The following GTF3C5 variants were observed in gnomAD, a reference collection of about 807,000 sequenced individuals.
GTF3C5 encodes general transcription factor 3C polypeptide 5.
A neutral mutation model predicts 61.0 loss-of-function variants in GTF3C5; 47 were observed. That is an observed-to-expected ratio of 0.77 (90% CI 0.61 to 0.98). The LOEUF (loss-of-function observed/expected upper bound fraction) is 0.98. Ranked by LOEUF, GTF3C5 falls within the 50% of genes least tolerant of loss-of-function variation. The pLI, the probability that GTF3C5 is intolerant of heterozygous loss-of-function variation, is 0.00. For missense variants in GTF3C5, 659 were observed against 703.3 expected (o/e 0.94, Z 0.71); for synonymous variants, 295 against 275.4 (o/e 1.07, Z -0.71).
intron 4 of GTF3C5, 55 bp downstream of exon 4, chr9:133,051,033 C>G: frequency 1.5e-6 from 2 of 1,354,472 alleles, no homozygotes; most frequent in East Asian, 2.5e-5. Context: ...GTTGGCTTCC[C>G]GTGTTTACCC....
At chr9:133,049,769 A>C (rs991732824) in intron 3 of GTF3C5, among the ~76,000 whole-genome samples, 1 of 152,180 alleles carries the variant, frequency 6.6e-6, no homozygotes, top group African/African-American at 2.4e-5. Flanking sequence ...ATGTGTGTGT[A>C]TGTGTTTTAA....
At chr9:133,038,357 A>G (rs569260895) in intron 1 of GTF3C5, among the ~76,000 whole-genome samples, 1 of 151,624 alleles carries the variant, frequency 6.6e-6, no homozygotes, top group Non-Finnish European at 1.5e-5. Context: ...TGGGTGCCCA[A>G]TGGGCAGGGC....
At chr9:133,049,742 T>C (rs970942218) in intron 3 of GTF3C5, among the ~76,000 whole-genome samples, 2 of 152,222 alleles carry the variant, frequency 1.3e-5, no homozygotes, top group African/African-American at 2.4e-5. Flanking sequence ...GAGGTAGTTC[T>C]AGAATCTCTG....
rs1459674464 is a variant in GTF3C5, at chr9:133,042,310, A to T, written c.373+4A>T. 6.4e-7 allele frequency: 1 copy of T among 1,555,628 alleles called. No individual in the cohort carries two copies. Among genetic ancestry groups the T allele is most frequent in the African/African-American group, 1.4e-5 (1 of 73,760 alleles). ...TCCACCATTTACAAATTTCAGGGTA[A>T]CTGAAATCTGCTCTTGCAATGTCTG... On this transcript the variant is annotated splice_donor_region_variant and intron_variant, in intron 2 of 10. Transcript: ENST00000372097.
In GTF3C5 at chr9:133,045,291, A is replaced by T. The variant is rs533223841; in HGVS notation, c.572+1365A>T. ...GGTTCCTGACACCCCCATCGTACAC[A>T]TGAGGAAGCCGAGACATGGGGTCAG... On this transcript the variant is annotated intron_variant, in intron 3 of 10. Coordinates refer to ENST00000372097, the MANE Select transcript of GTF3C5 (RefSeq NM_012087.4). 1.0e-3 allele frequency among the ~76,000 whole-genome samples: 159 copies of T among 152,240 alleles called. No individual in the cohort carries two copies. In the Middle Eastern group the frequency reaches 0.014, roughly 13 times the overall value.
At chr9:133,047,837 C>T (rs1588472737) in intron 3 of GTF3C5, among the ~76,000 whole-genome samples, 1 of 152,178 alleles carries the variant, frequency 6.6e-6, no homozygotes, top group East Asian at 1.9e-4. Context: ...TTTAAAGTTA[C>T]TTATTGGCCA....
chr9:133,036,316 G>A lies in GTF3C5; in HGVS notation c.153+5152G>A, dbSNP rs575525126. ...TAGCTTCATACTTTAAAATTTTTGA[G>A]TCAGTGAGCCATCTCCCTGCTTTCT... On this transcript the variant is annotated intron_variant, in intron 1 of 10. Transcript: ENST00000372097. Among the ~76,000 whole-genome samples, 22 of 152,250 alleles carry A rather than the reference G, an allele frequency of 1.4e-4. No individual in the cohort carries two copies. In the South Asian group the frequency reaches 4.6e-3, roughly 32 times the overall value.
intron 1 of GTF3C5, among the ~76,000 whole-genome samples, chr9:133,034,863 A>G (rs1849822226): frequency 6.6e-6 from 1 of 152,196 alleles, no homozygotes; most frequent in African/African-American, 2.4e-5. Flanking sequence ...AATGTCAGCA[A>G]TGGAGTGTAG....
rs1850114262 is a variant in GTF3C5 at position 133,043,846 on chromosome 9, G to A, written c.492G>A (p.Leu164=). ...AGGAGGCCTTTTTCCACCAGGAGCT[G>A]CCGCTCTACATCCCCCCACCCATCT... is the stretch of plus-strand genomic sequence containing the variant. ...PEKEAFFHQE[L]PLYIPPPIFS... is the part of the protein sequence containing the mutation. The change falls in exon 3 of 11, where the codon CTG becomes CTA. Residue 164 remains leucine (L), a synonymous_variant. Coordinates refer to ENST00000372097, the MANE Select transcript of GTF3C5 (RefSeq NM_012087.4). 2 of 1,613,948 alleles carry A rather than the reference G, an allele frequency of 1.2e-6. No homozygotes were observed. Among genetic ancestry groups the A allele is most frequent in the South Asian group, 2.2e-5 (2 of 91,064 alleles).
intron 5 of GTF3C5, 68 bp downstream of exon 5, chr9:133,052,232 GT>G (rs1850404862): frequency 2.4e-6 from 2 of 832,982 alleles, no homozygotes. Flanking sequence ...CTGCTGTGAT[GT>G]CTTAGAGCCA....
chr9:133,055,844 G>T lies in GTF3C5; in HGVS notation c.1168-168G>T. On this transcript the variant is annotated intron_variant, in intron 8 of 10. Transcript: ENST00000372097. ...AGAGCCTCCTGGGGAGTTGGACATT[G>T]TTTTTTCCCCAACTCCTCCGTGGCC... 6 of 1,419,440 alleles carry T rather than the reference G, an allele frequency of 4.2e-6. No homozygotes were observed. In the East Asian group the frequency reaches 1.3e-4, roughly 30 times the overall value. The allele number at this position is 1,419,440 out of a possible 1,614,324, so 87.9% of individuals were successfully genotyped here. A position where few individuals can be genotyped will look rare whatever the true frequency, so the allele number is the denominator to read the frequency against.
chr9:133,055,105 A>G, intron 8 of GTF3C5: 1 of 1,550,192 alleles, frequency 6.5e-7, no homozygotes, highest in African/African-American at 1.4e-5. Flanking sequence ...CTGGGCCCCC[A>G]CTGAGCCACG....
At chr9:133,054,061 C>T in intron 6 of GTF3C5, 119 bp downstream of exon 6, 3 of 732,072 alleles carry the variant, frequency 4.1e-6, no homozygotes, top group Non-Finnish European at 6.8e-6. Context: ...CCTTTTGCCC[C>T]CGTTGCTGAG....
Position 133,031,035 on chromosome 9 carries a change from G to C in GTF3C5, c.24G>C (p.Leu8Phe). The change falls in exon 1 of 11, where the codon TTG becomes TTC. Residue 8 changes from leucine to phenylalanine, a missense_variant. By Grantham distance (22) the Leu-to-Phe change is conservative. Transcript: ENST00000372097. Reference sequence around the variant, plus strand: ...GGATGGCGGCGGAGGCGGCCGATTTGGGGCTGGGGGCCGCCGTCCCCGTGG... The same window carrying C: ...GGATGGCGGCGGAGGCGGCCGATTTCGGGCTGGGGGCCGCCGTCCCCGTGG... Reference protein sequence around the residue: MAAEAADLGLGAAVPVEL... With the variant: MAAEAADFGLGAAVPVEL... The C allele has an allele frequency of 1.9e-6, 3 of 1,612,140 alleles. No homozygotes were observed. Among genetic ancestry groups the C allele is most frequent in the Non-Finnish European group, 2.5e-6 (3 of 1,179,166 alleles).
intron 1 of GTF3C5, among the ~76,000 whole-genome samples, chr9:133,033,925 T>G (rs748036891): frequency 1.3e-5 from 2 of 152,138 alleles, no homozygotes; most frequent in Non-Finnish European, 2.9e-5. Flanking sequence ...CTGGGCCTGA[T>G]ATGTTTGGGG....
intron 3 of GTF3C5, among the ~76,000 whole-genome samples, chr9:133,048,467 A>G (rs1850270411): frequency 1.3e-5 from 2 of 152,256 alleles, no homozygotes; most frequent in South Asian, 4.1e-4. Flanking sequence ...ACCGCACTCC[A>G]GCCTGGGCGA....
At chr9:133,055,156 G>C in intron 8 of GTF3C5, 1 of 1,544,532 alleles carries the variant, frequency 6.5e-7, no homozygotes, top group Non-Finnish European at 8.7e-7. Context: ...ACACACAGGA[G>C]GACAGAGCCA....
intron 1 of GTF3C5, 97 bp downstream of exon 1, chr9:133,031,261 T>C (rs1849724117): frequency 2.7e-6 from 3 of 1,091,218 alleles, no homozygotes; most frequent in African/African-American, 3.1e-5. Flanking sequence ...TTTAGCAAAT[T>C]TACTTACGCA....
In GTF3C5 at chr9:133,035,896, C is replaced by T. The variant is rs146589130; in HGVS notation, c.153+4732C>T. Among the ~76,000 whole-genome samples, 115 of 152,252 alleles carry T rather than the reference C, an allele frequency of 7.6e-4. 2 individuals carry two copies. The highest frequency in any genetic ancestry group is 1.8e-3 in the Admixed American group (27 of 15,294). On this transcript the variant is annotated intron_variant, in intron 1 of 10. Transcript: ENST00000372097. Reference sequence around the variant, plus strand: ...CCTTTGCTATTAATGAGACCTCGTTCGGTCCAAATTTTTCCAAAGGTATGA... The same window carrying T: ...CCTTTGCTATTAATGAGACCTCGTTTGGTCCAAATTTTTCCAAAGGTATGA...
Sources: gnomAD v4.1 joint callset for allele counts (sites outside exome capture counted in the v4.1 genomes callset) on GRCh38, gnomAD v4.1.1 for gene constraint, MANE v1.5 for transcripts, NCBI Gene and HGNC (gene_info 2026-07-23, HGNC 2026-07-21) for gene names.